The following NKAIN2 variants were observed in gnomAD, a reference collection of about 807,000 sequenced individuals.
The protein encoded by NKAIN2 is sodium/potassium-transporting ATPase subunit beta-1-interacting protein 2.
Under a neutral mutation model 32.6 loss-of-function variants are expected in NKAIN2, and 14 were observed. That is an observed-to-expected ratio of 0.43 (90% CI 0.28 to 0.67). The LOEUF (loss-of-function observed/expected upper bound fraction) is 0.67, where lower values mean the gene tolerates loss of function less well. NKAIN2 is among the 30% of genes least tolerant of loss of function. The pLI, the probability that NKAIN2 is intolerant of heterozygous loss-of-function variation, is 0.17. For synonymous variants in NKAIN2, 80 were observed against 87.2 expected, an observed-to-expected ratio of 0.92 and a Z score of 0.46; for missense variants, 198 against 258.3, an observed-to-expected ratio of 0.77 and a Z score of 1.60.
intron 1 of NKAIN2, among the ~76,000 whole-genome samples, chr6:123,941,966 C>A (rs765772083): frequency 1.3e-5 from 2 of 151,836 alleles, no homozygotes; most frequent in Non-Finnish European, 2.9e-5. Flanking sequence ...CAATCCACCC[C>A]CAAAGCATCA....
intron 4 of NKAIN2, among the ~76,000 whole-genome samples, chr6:124,772,211 A>G (rs117735102): frequency 0.012 from 1,860 of 152,332 alleles, 24 homozygotes; most frequent in Non-Finnish European, 0.016. Context: ...AGGTGGGAAA[A>G]GAAATAATTG....
chr6:124,242,021 G>A lies in NKAIN2; in HGVS notation c.55-40984G>A, dbSNP rs564120559. On this transcript the variant is annotated intron_variant, in intron 1 of 6. Coordinates refer to ENST00000368417, the MANE Select transcript of NKAIN2 (RefSeq NM_001040214.3). The stretch of plus-strand genomic sequence containing the variant: ...AGACTTCATGACTAAAACACCAAAA[G>A]CAATGGCAACAAAAGTCAAAATTGA... 3.9e-4 allele frequency among the ~76,000 whole-genome samples: 60 copies of A among 152,092 alleles called. 1 individual carries two copies. The South Asian group carries it at 0.012, about 31-fold the overall frequency.
chr6:124,417,749 G>C (rs963232393), intron 3 of NKAIN2, among the ~76,000 whole-genome samples: 34 of 152,196 alleles, frequency 2.2e-4, no homozygotes, highest in Middle Eastern at 3.4e-3. Flanking sequence ...TGTTTCCTCT[G>C]TCTCAGGCTT....
intron 1 of NKAIN2, among the ~76,000 whole-genome samples, chr6:123,815,217 T>C (rs1284174509): frequency 6.6e-6 from 1 of 152,214 alleles, no homozygotes; most frequent in Non-Finnish European, 1.5e-5. Flanking sequence ...TTAAGCCATA[T>C]TACTTACTTA....
chr6:123,971,760 G>A (rs748849230), intron 1 of NKAIN2, among the ~76,000 whole-genome samples: 4 of 152,164 alleles, frequency 2.6e-5, no homozygotes, highest in East Asian at 1.9e-4. Context: ...CACCCAGACC[G>A]ATAACATGTG....
At chr6:123,869,570 A>G (rs888558600) in intron 1 of NKAIN2, among the ~76,000 whole-genome samples, 3 of 152,242 alleles carry the variant, frequency 2.0e-5, no homozygotes, top group East Asian at 1.9e-4. Flanking sequence ...AACAAATTGC[A>G]TAGTTCAGCA....
intron 3 of NKAIN2, among the ~76,000 whole-genome samples, chr6:124,616,203 G>T (rs1043044740): frequency 1.3e-5 from 2 of 151,826 alleles, no homozygotes; most frequent in Non-Finnish European, 2.9e-5. Flanking sequence ...TTCCCTTCTT[G>T]TAAGTGTCAT....
chr6:123,854,738 G>A (rs1775492457), intron 1 of NKAIN2, among the ~76,000 whole-genome samples: 1 of 152,136 alleles, frequency 6.6e-6, no homozygotes, highest in Non-Finnish European at 1.5e-5. Context: ...GGCCCAAGCA[G>A]GAAGGTGAAG....
At chr6:123,866,257 A>G (rs1221145112) in intron 1 of NKAIN2, among the ~76,000 whole-genome samples, 1 of 152,066 alleles carries the variant, frequency 6.6e-6, no homozygotes, top group Non-Finnish European at 1.5e-5. Context: ...TCATCTGACT[A>G]TTACACTGCC....
chr6:124,445,065 A>T (rs1030368286), intron 3 of NKAIN2, among the ~76,000 whole-genome samples: 1 of 152,092 alleles, frequency 6.6e-6, no homozygotes, highest in East Asian at 1.9e-4. Context: ...TACAGTGGAT[A>T]TATGAGTTTT....
At chr6:123,918,107 A>G (rs1319214300) in intron 1 of NKAIN2, among the ~76,000 whole-genome samples, 3 of 152,116 alleles carry the variant, frequency 2.0e-5, no homozygotes, top group Non-Finnish European at 4.4e-5. Context: ...TATTTGTGGG[A>G]TATATAATTG....
At chr6:124,033,284 A>G (rs1043139264) in intron 1 of NKAIN2, among the ~76,000 whole-genome samples, 2 of 152,138 alleles carry the variant, frequency 1.3e-5, no homozygotes, top group African/African-American at 4.8e-5. Context: ...ATGCCTTAAA[A>G]TAACTTGGAT....
rs372377485 is a variant in NKAIN2, at chr6:123,804,095, C to G, written c.-106C>G. ...GCAGCAGCAGCCCGGAGCCCCCGAG[C>G]CCTCGGCAGGTTTGCGTGTCCTTCC... On this transcript the variant is annotated 5_prime_UTR_variant, in exon 1 of 7. Transcript: ENST00000368417. 109 of 1,008,210 alleles carry G rather than the reference C, an allele frequency of 1.1e-4. No homozygotes were observed. The African/African-American group carries it at 1.3e-3, about 12-fold the overall frequency. The allele number at this position is 1,008,210 out of a possible 1,614,324, so 62.5% of individuals were successfully genotyped here.
At chr6:124,260,811 A>T (rs1289563103) in intron 1 of NKAIN2, among the ~76,000 whole-genome samples, 1 of 152,184 alleles carries the variant, frequency 6.6e-6, no homozygotes, top group Non-Finnish European at 1.5e-5. Context: ...GAAAATTTTG[A>T]TATAGTTGAG....
chr6:124,204,973 T>C (rs1790783144), intron 1 of NKAIN2, among the ~76,000 whole-genome samples: 1 of 88,208 alleles, frequency 1.1e-5, no homozygotes, highest in Non-Finnish European at 2.5e-5. Flanking sequence ...ATCCTCTGCA[T>C]CTAAAAAAAA....
chr6:123,876,292 G>T (rs1285058629), intron 1 of NKAIN2, among the ~76,000 whole-genome samples: 1 of 152,210 alleles, frequency 6.6e-6, no homozygotes, highest in South Asian at 2.1e-4. Flanking sequence ...ATCCCATCAT[G>T]TTGTGCTCGA....
intron 4 of NKAIN2, among the ~76,000 whole-genome samples, chr6:124,678,877 T>C (rs536868088): frequency 1.1e-4 from 16 of 152,346 alleles, no homozygotes; most frequent in Admixed American, 8.5e-4. Context: ...CTACAGACTC[T>C]GACAACTTCT....
At chr6:124,106,085 A>G (rs575273622) in intron 1 of NKAIN2, among the ~76,000 whole-genome samples, 88 of 152,314 alleles carry the variant, frequency 5.8e-4, no homozygotes, top group African/African-American at 1.7e-3. Context: ...ATACTGGGAG[A>G]AATATGCTAT....
At chr6:123,995,996 A>G (rs1047239620) in intron 1 of NKAIN2, among the ~76,000 whole-genome samples, 2 of 152,172 alleles carry the variant, frequency 1.3e-5, no homozygotes, top group African/African-American at 4.8e-5. Flanking sequence ...CAATCTTGAT[A>G]GATGGGAATG....
Sources: allele counts gnomAD v4.1 joint callset (sites outside exome capture counted in the v4.1 genomes callset), GRCh38; gene constraint gnomAD v4.1.1; transcripts MANE v1.5; gene names NCBI Gene and HGNC (gene_info 2026-07-23, HGNC 2026-07-21).